The following GRID1 variants were observed in gnomAD, a reference collection of about 807,000 sequenced individuals.
GRID1 encodes glutamate ionotropic receptor delta type subunit 1, also known as glutamate receptor ionotropic, delta-1.
A neutral mutation model predicts 98.0 loss-of-function variants in GRID1; 28 were observed. That is an observed-to-expected ratio of 0.29 (90% CI 0.21 to 0.39). The LOEUF (loss-of-function observed/expected upper bound fraction) is 0.39. Among genes scored for constraint, GRID1 ranks in the 10% least tolerant of loss-of-function variants. The pLI, the probability that GRID1 is intolerant of heterozygous loss-of-function variation, is 1.00. For missense variants in GRID1, 1,111 were observed against 1,340.5 expected (o/e 0.83, Z 2.67); for synonymous variants, 553 against 538.5 (o/e 1.03, Z -0.37).
At chr10:85,858,357 C>T (rs73340510) in intron 6 of GRID1, among the ~76,000 whole-genome samples, 1 of 152,214 alleles carries the variant, frequency 6.6e-6, no homozygotes, top group Admixed American at 6.5e-5. Flanking sequence ...GCTTACTTGA[C>T]AGCAGAGGGA....
chr10:86,299,840 G>A (rs75454766), intron 2 of GRID1, among the ~76,000 whole-genome samples: 7,670 of 151,892 alleles, frequency 0.05, 295 homozygotes, highest in African/African-American at 0.11. Flanking sequence ...CCCACGTGCT[G>A]GAGTTAGTCT....
At chr10:86,313,798 C>T (rs550692161) in intron 2 of GRID1, among the ~76,000 whole-genome samples, 2 of 152,354 alleles carry the variant, frequency 1.3e-5, no homozygotes, top group South Asian at 4.1e-4. Flanking sequence ...CACACATCCC[C>T]AGCCCCCAGA....
chr10:86,034,134 G>A lies in GRID1; in HGVS notation c.726+104685C>T, dbSNP rs529429478. On this transcript the variant is annotated intron_variant, in intron 4 of 15. Coordinates refer to ENST00000327946, the MANE Select transcript of GRID1 (RefSeq NM_017551.3). ...GTTGTTAATATTCGATTTTTTTAAT[G>A]AGGTACTTATAGATGTGCTAACGTA... Among the ~76,000 whole-genome samples the A allele has an allele frequency of 5.9e-4, 90 of 152,294 alleles. 1 individual carries two copies. Among genetic ancestry groups the A allele is most frequent in the African/African-American group, 2.2e-3 (90 of 41,560 alleles).
chr10:86,172,654 T>C (rs778217142), intron 3 of GRID1, among the ~76,000 whole-genome samples: 84 of 152,206 alleles, frequency 5.5e-4, no homozygotes, highest in Non-Finnish European at 1.1e-3. Context: ...GGAAACTCGA[T>C]TGATAGTTTC....
At chr10:86,108,245 G>A (rs1193921452) in intron 4 of GRID1, among the ~76,000 whole-genome samples, 6 of 152,182 alleles carry the variant, frequency 3.9e-5, no homozygotes, top group African/African-American at 1.4e-4. Flanking sequence ...CACACCCTGC[G>A]AGGGGGACAA....
chr10:85,777,398 C>T (rs1842341988), intron 8 of GRID1, among the ~76,000 whole-genome samples: 1 of 152,196 alleles, frequency 6.6e-6, no homozygotes, highest in South Asian at 2.1e-4. Context: ...CTTTGCTGAA[C>T]ATTGGTATCC....
intron 4 of GRID1, among the ~76,000 whole-genome samples, chr10:86,032,287 G>A (rs904198120): frequency 6.6e-6 from 1 of 152,154 alleles, no homozygotes; most frequent in Non-Finnish European, 1.5e-5. Context: ...TGGGAGGTGG[G>A]GGGCCCCTCT....
At chr10:86,327,371 A>C (rs1005935667) in intron 2 of GRID1, among the ~76,000 whole-genome samples, 1 of 152,184 alleles carries the variant, frequency 6.6e-6, no homozygotes, top group African/African-American at 2.4e-5. Context: ...TACTCTGCCC[A>C]CTGCCAGAGA....
intron 2 of GRID1, among the ~76,000 whole-genome samples, chr10:86,219,209 G>A (rs1846217519): frequency 6.6e-6 from 1 of 152,218 alleles, no homozygotes; most frequent in African/African-American, 2.4e-5. Context: ...CCAATGGGCA[G>A]GTCTAGCCCA....
rs141302237 is a variant in GRID1, at chr10:85,709,200, A to G, written c.1997+13803T>C. On this transcript the variant is annotated intron_variant, in intron 12 of 15. Transcript: ENST00000327946. ...GGGCTTATGCCCTGCTGCAGCCAACAGTGACAAGACCCCACCTGAGGTTCT... is the reference window on the plus strand; with the variant it reads ...GGGCTTATGCCCTGCTGCAGCCAACGGTGACAAGACCCCACCTGAGGTTCT... 408 of 247,948 alleles carry G rather than the reference A, an allele frequency of 1.6e-3. 2 individuals carry two copies. Among genetic ancestry groups the G allele is most frequent in the South Asian group, 0.014 (224 of 15,580 alleles). 15.4% of individuals were successfully genotyped at this position (247,948 alleles called of 1,614,324 possible). A position where few individuals can be genotyped will look rare whatever the true frequency, so the allele number is the denominator to read the frequency against.
At chr10:85,928,806 T>C (rs1358056035) in intron 4 of GRID1, among the ~76,000 whole-genome samples, 2 of 152,256 alleles carry the variant, frequency 1.3e-5, no homozygotes, top group Non-Finnish European at 2.9e-5. Context: ...TTCACTGCTC[T>C]ACACAAACCA....
chr10:86,172,672 C>G (rs1311745493), intron 3 of GRID1, among the ~76,000 whole-genome samples: 1 of 152,180 alleles, frequency 6.6e-6, no homozygotes, highest in African/African-American at 2.4e-5. Flanking sequence ...TTCCTGTTCT[C>G]ATTAATATTT....
At chr10:85,723,259 A>G in intron 11 of GRID1, 118 bp from the exon 12 acceptor site, 1 of 996,464 alleles carries the variant, frequency 1.0e-6, no homozygotes, top group Non-Finnish European at 1.4e-6. Context: ...GGCTGGAACC[A>G]GGGAGGTGAC....
intron 5 of GRID1, among the ~76,000 whole-genome samples, chr10:85,898,920 T>C (rs189747870): frequency 1.3e-5 from 2 of 152,348 alleles, no homozygotes; most frequent in Non-Finnish European, 2.9e-5. Context: ...TATTATGGAC[T>C]GCACCTAATT....
chr10:86,179,860 T>G (rs1564699017), intron 3 of GRID1, among the ~76,000 whole-genome samples: 1 of 152,218 alleles, frequency 6.6e-6, no homozygotes, highest in Admixed American at 6.5e-5. Flanking sequence ...GAAGCCCATC[T>G]TCCCCCGTAA....
At chr10:86,169,022 A>G (rs1293789984) in intron 3 of GRID1, among the ~76,000 whole-genome samples, 10 of 152,202 alleles carry the variant, frequency 6.6e-5, no homozygotes, top group African/African-American at 4.8e-5. Flanking sequence ...ATGGGTGCAC[A>G]ATGCCGGTGC....
intron 2 of GRID1, among the ~76,000 whole-genome samples, chr10:86,294,972 G>A (rs1271876848): frequency 6.6e-6 from 1 of 152,198 alleles, no homozygotes; most frequent in Non-Finnish European, 1.5e-5. Flanking sequence ...GGGCGGGACA[G>A]GTAAGGAAAG....
intron 4 of GRID1, among the ~76,000 whole-genome samples, chr10:86,042,088 C>A (rs1843354278): frequency 6.6e-6 from 1 of 152,218 alleles, no homozygotes; most frequent in Non-Finnish European, 1.5e-5. Flanking sequence ...CCTCAGACAG[C>A]CCTCGCCATG....
intron 2 of GRID1, among the ~76,000 whole-genome samples, chr10:86,358,366 C>T (rs1301469098): frequency 6.6e-6 from 1 of 152,092 alleles, no homozygotes; most frequent in African/African-American, 2.4e-5. Context: ...AGAATAATGG[C>T]CCTCAAAGAT....
Sources: allele counts gnomAD v4.1 joint callset (sites outside exome capture counted in the v4.1 genomes callset), GRCh38; gene constraint gnomAD v4.1.1; transcripts MANE v1.5; gene names NCBI Gene and HGNC (gene_info 2026-07-23, HGNC 2026-07-21).